IPCEF1: variants seen among roughly 807,000 people sequenced by gnomAD.
The protein encoded by IPCEF1 is interaction protein for cytohesin exchange factors 1.
A neutral mutation model predicts 50.9 loss-of-function variants in IPCEF1; 31 were observed. The observed-to-expected ratio is 0.61, with a 90% CI of 0.46 to 0.82. The LOEUF is 0.82. Ranked by LOEUF, IPCEF1 falls within the 40% of genes least tolerant of loss-of-function variation. The pLI is 0.00. For synonymous variants in IPCEF1, 181 were observed against 192.0 expected, an observed-to-expected ratio of 0.94 and a Z score of 0.47; for missense variants, 458 against 514.0, an observed-to-expected ratio of 0.89 and a Z score of 1.05.
intron 2 of IPCEF1, among the ~76,000 whole-genome samples, chr6:154,272,303 T>C (rs1781919475): frequency 6.6e-6 from 1 of 152,202 alleles, no homozygotes; most frequent in African/African-American, 2.4e-5. Flanking sequence ...AGTATACAAC[T>C]AAAGGGATTG....
intron 10 of IPCEF1, among the ~76,000 whole-genome samples, chr6:154,198,411 A>G (rs190306823): frequency 6.6e-6 from 1 of 152,182 alleles, no homozygotes; most frequent in Admixed American, 6.5e-5. Context: ...TCACCTCTAG[A>G]AATAGGTTGG....
chr6:154,313,702 C>T (rs533591261), intron 1 of IPCEF1, among the ~76,000 whole-genome samples: 1 of 152,154 alleles, frequency 6.6e-6, no homozygotes, highest in South Asian at 2.1e-4. Context: ...AGATGTAAAA[C>T]ACCAAGAAGC....
intron 3 of IPCEF1, among the ~76,000 whole-genome samples, chr6:154,263,886 A>G (rs527327336): frequency 6.9e-5 from 3 of 43,366 alleles, no homozygotes; most frequent in African/African-American, 7.2e-5. Flanking sequence ...TGACCCCCCC[A>G]CCTCCCTCCC....
At chr6:154,313,136 CTG>C (rs553716301) in intron 1 of IPCEF1, among the ~76,000 whole-genome samples, 89 of 147,432 alleles carry the variant, frequency 6.0e-4, no homozygotes, top group African/African-American at 2.0e-3. Context: ...TTTTGGGAGA[CTG>C]TGGAGGGCAG....
At chr6:154,344,918 C>T (rs1009287416) in intron 1 of IPCEF1, among the ~76,000 whole-genome samples, 4 of 152,186 alleles carry the variant, frequency 2.6e-5, no homozygotes, top group Non-Finnish European at 1.5e-5. Flanking sequence ...TAGGGTTTCA[C>T]TCTGTCACCC....
intron 1 of IPCEF1, among the ~76,000 whole-genome samples, chr6:154,354,986 G>A (rs1322877039): frequency 2.7e-5 from 4 of 147,086 alleles, no homozygotes; most frequent in South Asian, 4.5e-4. Flanking sequence ...TTATTTTTTA[G>A]GATTTTTCTT....
chr6:154,295,537 G>A (rs1782626703), intron 1 of IPCEF1, among the ~76,000 whole-genome samples: 1 of 152,054 alleles, frequency 6.6e-6, no homozygotes, highest in South Asian at 2.1e-4. Context: ...ACACTTTGCT[G>A]TGAGCATTGC....
intron 1 of IPCEF1, among the ~76,000 whole-genome samples, chr6:154,303,332 C>T (rs1011412877): frequency 7.9e-5 from 12 of 152,094 alleles, no homozygotes; most frequent in Admixed American, 2.6e-4. Context: ...CCTTGTGATC[C>T]GCCCACCTCG....
intron 1 of IPCEF1, among the ~76,000 whole-genome samples, chr6:154,346,659 G>A (rs34518788): frequency 0.026 from 3,970 of 152,258 alleles, 80 homozygotes; most frequent in Non-Finnish European, 0.04. Flanking sequence ...ATGGTGGAAC[G>A]GGAAGCAAAC....
At chr6:154,301,670 G>A (rs1782799202) in intron 1 of IPCEF1, among the ~76,000 whole-genome samples, 1 of 152,074 alleles carries the variant, frequency 6.6e-6, no homozygotes, top group Admixed American at 6.6e-5. Flanking sequence ...GACTTCGGGG[G>A]ATCATGATCA....
At chr6:154,345,262 T>C (rs1784005665) in intron 1 of IPCEF1, among the ~76,000 whole-genome samples, 1 of 152,366 alleles carries the variant, frequency 6.6e-6, no homozygotes, top group East Asian at 1.9e-4. Context: ...ATACTTATTT[T>C]ATATTCTTCA....
chr6:154,220,865 A>G (rs957404988), intron 7 of IPCEF1, among the ~76,000 whole-genome samples: 3 of 152,258 alleles, frequency 2.0e-5, no homozygotes, highest in Non-Finnish European at 4.4e-5. Flanking sequence ...TACGTGAATC[A>G]TCACGATAAT....
intron 3 of IPCEF1, among the ~76,000 whole-genome samples, chr6:154,257,946 T>G (rs1346695746): frequency 6.6e-6 from 1 of 152,204 alleles, no homozygotes. Flanking sequence ...CAAGTGATCC[T>G]CTCGCCTAGG....
In IPCEF1 at chr6:154,310,705, T is replaced by C. The variant is rs142656848; in HGVS notation, c.-61-20949A>G. On this transcript the variant is annotated intron_variant, in intron 1 of 11. Transcript: ENST00000367220. ...GAAGGAGAGTCTGTAATTTGCAACA[T>C]GGATGGAATTGAAGGACATTATGCT... Among the ~76,000 whole-genome samples, 31 of 152,240 alleles carry C rather than the reference T, an allele frequency of 2.0e-4. 1 individual carries two copies. The East Asian group carries it at 6.0e-3, about 29-fold the overall frequency.
chr6:154,165,746 TGCAAAA>T (rs1799376876), intron 11 of IPCEF1, among the ~76,000 whole-genome samples: 2 of 152,366 alleles, frequency 1.3e-5, no homozygotes, highest in Admixed American at 1.3e-4. Flanking sequence ...AATAGAATAC[TGCAAAA>T]GTAATGTGAT....
chr6:154,324,891 T>G (rs554926093), intron 1 of IPCEF1, among the ~76,000 whole-genome samples: 3,207 of 151,634 alleles, frequency 0.021, 60 homozygotes, highest in Non-Finnish European at 0.032. Flanking sequence ...AGGGTTTTTT[T>G]CCAGCATGGA....
At chr6:154,344,363 T>C (rs1783982923) in intron 1 of IPCEF1, among the ~76,000 whole-genome samples, 1 of 152,186 alleles carries the variant, frequency 6.6e-6, no homozygotes, top group African/African-American at 2.4e-5. Flanking sequence ...GTGCTTTTCT[T>C]CCATCTGTAT....
chr6:154,176,576 T>C (rs911217902), intron 10 of IPCEF1, among the ~76,000 whole-genome samples: 3 of 151,960 alleles, frequency 2.0e-5, no homozygotes, highest in Non-Finnish European at 4.4e-5. Context: ...ATAATTACTA[T>C]AAAGAGAATA....
intron 10 of IPCEF1, among the ~76,000 whole-genome samples, chr6:154,197,538 T>C (rs1490750871): frequency 1.3e-5 from 2 of 152,248 alleles, no homozygotes; most frequent in African/African-American, 2.4e-5. Flanking sequence ...CATTGAGCTG[T>C]TTGAAGAAGT....
Sources: gnomAD v4.1 joint callset for allele counts (sites outside exome capture counted in the v4.1 genomes callset) on GRCh38, gnomAD v4.1.1 for gene constraint, MANE v1.5 for transcripts, NCBI Gene and HGNC (gene_info 2026-07-23, HGNC 2026-07-21) for gene names.